The following VTCN1 variants were observed in gnomAD, a reference collection of about 807,000 sequenced individuals.
VTCN1 encodes V-set domain containing T cell activation inhibitor 1, also known as V-set domain-containing T-cell activation inhibitor 1.
VTCN1 carries 26 observed loss-of-function variants against 26.5 expected under a neutral mutation model. The observed-to-expected ratio is 0.98, with a 90% CI of 0.72 to 1.36. The LOEUF (loss-of-function observed/expected upper bound fraction) is 1.36. Ranked by LOEUF, VTCN1 falls within the 40% of genes most tolerant of loss-of-function variation. The pLI is 0.00. For missense variants in VTCN1, 298 were observed against 337.7 expected (o/e 0.88, Z 0.92); for synonymous variants, 116 against 130.7 (o/e 0.89, Z 0.77).
intron 2 of VTCN1, 159 bp from the exon 3 acceptor site, chr1:117,157,080 G>C: frequency 8.9e-7 from 1 of 1,119,022 alleles, no homozygotes. Flanking sequence ...AGAGCAGGAA[G>C]ACAATCATTT....
intron 1 of VTCN1, among the ~76,000 whole-genome samples, chr1:117,207,717 C>T (rs1189920193): frequency 1.3e-5 from 2 of 152,134 alleles, no homozygotes; most frequent in Non-Finnish European, 2.9e-5. Flanking sequence ...TCTTCCTTGT[C>T]CCCAACTCAC....
At chr1:117,185,891 G>A (rs2101567270) in intron 1 of VTCN1, among the ~76,000 whole-genome samples, 1 of 152,308 alleles carries the variant, frequency 6.6e-6, no homozygotes, top group East Asian at 1.9e-4. Context: ...TACATGTACT[G>A]ATTGATGTCT....
At chr1:117,164,130 G>A (rs1197824516) in intron 2 of VTCN1, among the ~76,000 whole-genome samples, 1 of 152,086 alleles carries the variant, frequency 6.6e-6, no homozygotes, top group Admixed American at 6.6e-5. Context: ...GAGAGTATCT[G>A]AGAACACACC....
Position 117,147,713 on chromosome 1 carries a change from A to G in VTCN1, c.794T>C (p.Phe265Ser). 1 of 1,614,092 alleles carries G rather than the reference A, an allele frequency of 6.2e-7. No homozygotes were observed. The change falls in exon 5 of 6, where the codon TTC (phenylalanine) becomes TCC (serine). Residue 265 changes from phenylalanine to serine, a missense_variant. Physicochemically the swap from Phe to Ser is radical, Grantham distance 155. Coordinates refer to ENST00000369458, the MANE Select transcript of VTCN1 (RefSeq NM_024626.4). The surrounding 1 kb of genome is among the most constrained non-coding windows in gnomAD (Gnocchi z 4.6). ...CAGAAGTGCCCAGCTGATGGCAAAG[A>G]AAGAAGAGACACACAGAGAAGCCTT... is the stretch of plus-strand genomic sequence containing the variant. Reference protein sequence around the residue: ...NSKASLCVSSFFAISWALLPL... With the variant: ...NSKASLCVSSSFAISWALLPL...
intron 3 of VTCN1, 31 bp from the exon 4 acceptor site, chr1:117,153,400 G>C (rs1034448924): frequency 2.5e-6 from 4 of 1,580,380 alleles, no homozygotes; most frequent in Non-Finnish European, 3.4e-6. Context: ...AAGGGCAGAT[G>C]CCAAAGTCAG....
chr1:117,190,702 C>A (rs747085858), intron 1 of VTCN1, among the ~76,000 whole-genome samples: 1 of 152,196 alleles, frequency 6.6e-6, no homozygotes, highest in Non-Finnish European at 1.5e-5. Context: ...AGTTATGTAA[C>A]CCCACTCCAA....
intron 1 of VTCN1, among the ~76,000 whole-genome samples, chr1:117,182,919 C>T (rs1186395312): frequency 6.6e-6 from 1 of 152,176 alleles, no homozygotes; most frequent in African/African-American, 2.4e-5. Flanking sequence ...AGCCCAGGGC[C>T]TGACACTGAC....
In VTCN1 at chr1:117,145,962, G is replaced by A. The variant is rs1651483411; in HGVS notation, c.*46-737C>T. Among the ~76,000 whole-genome samples, 1 of 152,154 alleles carries A rather than the reference G, an allele frequency of 6.6e-6. No homozygotes were observed. Among genetic ancestry groups the A allele is most frequent in the Admixed American group, 6.5e-5 (1 of 15,268 alleles). ...CTCATTTACTTTAAAAAATCTACTT[G>A]ATTTATGGTTATTCCTCTATGGTGC... On this transcript the variant is annotated intron_variant, in intron 5 of 5. Transcript: ENST00000369458. The surrounding 1 kb of genome is among the most constrained non-coding windows in gnomAD (Gnocchi z 4.6).
At chr1:117,172,706 A>G (rs945837564) in intron 1 of VTCN1, among the ~76,000 whole-genome samples, 2 of 152,110 alleles carry the variant, frequency 1.3e-5, no homozygotes, top group Non-Finnish European at 2.9e-5. Context: ...TTACTTACTA[A>G]TGGGGTCATT....
chr1:117,180,124 C>T (rs183106465), intron 1 of VTCN1, among the ~76,000 whole-genome samples: 4 of 152,132 alleles, frequency 2.6e-5, no homozygotes, highest in Admixed American at 1.3e-4. Context: ...TCTCTCCCCC[C>T]CAGGAAGTGT....
At chr1:117,170,042 A>C in intron 2 of VTCN1, 65 bp downstream of exon 2, 1 of 1,457,424 alleles carries the variant, frequency 6.9e-7, no homozygotes, top group Non-Finnish European at 9.6e-7. Context: ...ATGCTAACGC[A>C]CTGAGTGATT....
intron 1 of VTCN1, among the ~76,000 whole-genome samples, chr1:117,187,865 TGAAAAAAAGAAAA>T (rs1398572908): frequency 6.6e-6 from 1 of 151,534 alleles, no homozygotes; most frequent in Non-Finnish European, 1.5e-5. Context: ...AATTATAAAA[TGAAAAAAAGAAAA>T]GAAAAAAACT....
intron 1 of VTCN1, among the ~76,000 whole-genome samples, chr1:117,193,575 C>CA (rs1412114629): frequency 5.0e-5 from 3 of 59,408 alleles, no homozygotes; most frequent in Admixed American, 4.2e-4. Flanking sequence ...TCTATGCATC[C>CA]AACTTGGAGC....
At chr1:117,174,120 T>C (rs984062015) in intron 1 of VTCN1, among the ~76,000 whole-genome samples, 2 of 152,260 alleles carry the variant, frequency 1.3e-5, no homozygotes, top group Admixed American at 6.5e-5. Flanking sequence ...GGTTCTTACA[T>C]TGCTTTCTGA....
At chr1:117,179,031 G>A (rs975163256) in intron 1 of VTCN1, among the ~76,000 whole-genome samples, 6 of 152,096 alleles carry the variant, frequency 3.9e-5, no homozygotes, top group East Asian at 3.8e-4. Flanking sequence ...ATGTAGTGGC[G>A]GTACAATAGC....
chr1:117,199,522 C>T (rs1007103591), intron 1 of VTCN1, among the ~76,000 whole-genome samples: 10 of 152,202 alleles, frequency 6.6e-5, no homozygotes, highest in South Asian at 2.1e-4. Context: ...GATGGGGTTT[C>T]GCCATGTTGG....
intron 2 of VTCN1, among the ~76,000 whole-genome samples, chr1:117,166,076 T>C (rs945706304): frequency 2.6e-5 from 4 of 152,168 alleles, no homozygotes; most frequent in Non-Finnish European, 5.9e-5. Flanking sequence ...CATTACTGGA[T>C]TGAGCAGACT....
rs569737662 is a variant in VTCN1, at chr1:117,154,510, G to A, written c.446-1141C>T. On this transcript the variant is annotated intron_variant, in intron 3 of 5. Transcript: ENST00000369458. ...AAAACTGAGAAACTGGAGGCCAGGC[G>A]CAGTGGCACACGCCTGTAATCCAAG... 6.6e-5 allele frequency among the ~76,000 whole-genome samples: 10 copies of A among 152,296 alleles called. No homozygotes were observed. In the East Asian group the frequency reaches 7.7e-4, roughly 12 times the overall value.
intron 1 of VTCN1, among the ~76,000 whole-genome samples, chr1:117,190,480 C>T (rs1648189715): frequency 6.6e-6 from 1 of 152,176 alleles, no homozygotes; most frequent in South Asian, 2.1e-4. Flanking sequence ...AGCAGGTATC[C>T]TCCCACAGAG....
Sources: allele counts gnomAD v4.1 joint callset (sites outside exome capture counted in the v4.1 genomes callset), GRCh38; gene constraint gnomAD v4.1.1; non-coding constraint Gnocchi (gnomAD v3.1); transcripts MANE v1.5; gene names NCBI Gene and HGNC (gene_info 2026-07-23, HGNC 2026-07-21).